Variants in EXTL1 observed in about 807,000 individuals in gnomAD.
EXTL1 encodes exostosin-like 1.
EXTL1 carries 43 observed loss-of-function variants against 64.6 expected under a neutral mutation model. The observed-to-expected ratio is 0.67, with a 90% confidence interval of 0.52 to 0.86. EXTL1 has a LOEUF of 0.86. Among genes scored for constraint, EXTL1 ranks in the 40% least tolerant of loss-of-function variants. The probability of loss-of-function intolerance (pLI) is 0.00; values close to 1 mark genes in which losing one functional copy is unlikely to be tolerated. For missense variants in EXTL1, 766 were observed against 879.0 expected (o/e 0.87, Z 1.62); for synonymous variants, 352 against 360.5 (o/e 0.98, Z 0.27).
Position 26,032,435 on chromosome 1 carries a change from A to G in EXTL1, c.1381A>G (p.Arg461Gly). 6.4e-7 allele frequency: 1 copy of G among 1,555,926 alleles called. No homozygotes were observed. The highest frequency in any genetic ancestry group is 1.9e-5 in the Admixed American group (1 of 51,590). Reference sequence around the variant, plus strand: ...GAGCAATGAGAGGCCACTCCCATCCAGGTGGCCGGAGACAGCTGTGCCCTT... The same window carrying G: ...GAGCAATGAGAGGCCACTCCCATCCGGGTGGCCGGAGACAGCTGTGCCCTT... ...LWSNERPLPS[R>G]WPETAVPLTV... The change falls in exon 7 of 11, where the codon AGG becomes GGG. Residue 461 changes from arginine (R) to glycine (G), a missense_variant. By Grantham distance (125) the Arg-to-Gly change is moderately radical (BLOSUM62 -2). Transcript: ENST00000374280.
Position 26,031,278 on chromosome 1 carries a change from A to C in EXTL1, c.1234+14A>C, listed in dbSNP as rs993046708. 9 of 1,611,826 alleles carry C rather than the reference A, an allele frequency of 5.6e-6. No individual in the cohort carries two copies. The African/African-American group carries it at 1.2e-4, about 22-fold the overall frequency. Reference sequence around the variant, plus strand: ...ACCTGCAACAGGGTATGCCCTGGGGATGGGACAACCTGAAGTCCCCTCAGC... The same window carrying C: ...ACCTGCAACAGGGTATGCCCTGGGGCTGGGACAACCTGAAGTCCCCTCAGC... On this transcript the variant is annotated intron_variant, in intron 5 of 10. Transcript: ENST00000374280.
intron 1 of EXTL1, among the ~76,000 whole-genome samples, chr1:26,026,819 CCT>C (rs1557551062): frequency 2.0e-5 from 3 of 152,160 alleles, no homozygotes; most frequent in Non-Finnish European, 2.9e-5. Context: ...ATGGCAGGTA[CCT>C]TACATGGTCA....
At chr1:26,032,726 T>C (rs2050301279) in intron 7 of EXTL1, among the ~76,000 whole-genome samples, 1 of 152,080 alleles carries the variant, frequency 6.6e-6, no homozygotes, top group Non-Finnish European at 1.5e-5. Context: ...CGCTGACATC[T>C]CAGAAGAGGA....
rs146798839 is a variant in EXTL1, at chr1:26,023,224, G to T, written c.578G>T (p.Gly193Val). 65 of 1,608,984 alleles carry T rather than the reference G, an allele frequency of 4.0e-5. No individual in the cohort carries two copies. The highest frequency in any genetic ancestry group is 5.0e-5 in the Non-Finnish European group (59 of 1,176,916). The stretch of plus-strand genomic sequence containing the variant: ...CCCACGGTGGACTCCTTCCGGCCCG[G>T]CTTTGATGTGGCCCTCCCTTTTCTC... Reference protein sequence around the residue: ...ASPTVDSFRPGFDVALPFLPE... With the variant: ...ASPTVDSFRPVFDVALPFLPE... Residue 193 changes from glycine (G) to valine (V), a missense_variant, in exon 1 of 11, where the codon GGC (glycine) becomes GTC (valine). By Grantham distance (109) the Gly-to-Val change is moderately radical (BLOSUM62 -3). Around this residue, in one of 3 missense-constraint regions of EXTL1, gnomAD observed 571 missense variants for 647.6 expected, o/e 0.88. Transcript: ENST00000374280.
In EXTL1 at chr1:26,031,533, C is replaced by T. The variant is rs564972733; in HGVS notation, c.1308C>T (p.Ile436=). ...GPPGQPPLKL[I]QAVAGSQHCA... Reference sequence around the variant, plus strand: ...CAGGCCAGCCCCCTCTGAAGCTCATCCAGGCGGTGGCAGGCTCCCAGCACT... The same window carrying T: ...CAGGCCAGCCCCCTCTGAAGCTCATTCAGGCGGTGGCAGGCTCCCAGCACT... Residue 436 remains isoleucine (I), a synonymous_variant, in exon 6 of 11, where the codon ATC becomes ATT. Coordinates refer to ENST00000374280, the MANE Select transcript of EXTL1 (RefSeq NM_004455.3). 6.2e-7 allele frequency: 1 copy of T among 1,600,438 alleles called. No homozygotes were observed. The highest frequency in any genetic ancestry group is 8.5e-7 in the Non-Finnish European group (1 of 1,173,638).
chr1:26,025,109 G>T lies in EXTL1; in HGVS notation c.779+1684G>T, dbSNP rs980508905. Among the ~76,000 whole-genome samples the T allele has an allele frequency of 6.6e-6, 1 of 152,202 alleles. No homozygotes were observed. The highest frequency in any genetic ancestry group is 1.5e-5 in the Non-Finnish European group (1 of 68,036). ...GTCTTTGGCCTCCGCCTCCCTGAAG[G>T]TGACAGGACTTGTCATCTCTGGAGT... On this transcript the variant is annotated intron_variant, in intron 1 of 10. Coordinates refer to ENST00000374280, the MANE Select transcript of EXTL1 (RefSeq NM_004455.3). This position sits in a 1 kb window ranked among gnomAD's most constrained non-coding sequence, Gnocchi z 5.3.
intron 4 of EXTL1, among the ~76,000 whole-genome samples, 157 bp from the exon 5 acceptor site, chr1:26,030,975 C>T (rs917385985): frequency 1.3e-5 from 2 of 152,186 alleles, no homozygotes; most frequent in Non-Finnish European, 2.9e-5. Context: ...CATCTCCCAC[C>T]TCTGGAGCAA....
intron 1 of EXTL1, among the ~76,000 whole-genome samples, chr1:26,027,693 A>AAAAAAAAAAAAAAAAG (rs2050233613): frequency 7.6e-6 from 1 of 131,458 alleles, no homozygotes; most frequent in Non-Finnish European, 1.6e-5. Context: ...CATCTCTAAA[A>AAAAAAAAAAAAAAAAG]AAAAAAAAAA....
Position 26,035,451 on chromosome 1 carries a change from G to A in EXTL1, c.*104G>A. 1 of 1,105,686 alleles carries A rather than the reference G, an allele frequency of 9.0e-7. No individual in the cohort carries two copies. The allele number at this position is 1,105,686 out of a possible 1,614,324, so 68.5% of individuals were successfully genotyped here. A position where few individuals can be genotyped will look rare whatever the true frequency, so the allele number is the denominator to read the frequency against. On this transcript the variant is annotated 3_prime_UTR_variant, in exon 11 of 11. Transcript: ENST00000374280. This position sits in a 1 kb window ranked among gnomAD's most constrained non-coding sequence, Gnocchi z 5.3. ...CTTGGGACACCGGAGAACCTATCATGTCAGCCAGCGGGCCCACACGTCGGA... is the reference window on the plus strand; with the variant it reads ...CTTGGGACACCGGAGAACCTATCATATCAGCCAGCGGGCCCACACGTCGGA...
At chr1:26,023,535 G>T in intron 1 of EXTL1, 110 bp downstream of exon 1, 2 of 1,176,426 alleles carry the variant, frequency 1.7e-6, no homozygotes, top group South Asian at 5.5e-5. Context: ...GGTAGTCCTG[G>T]TAGACTTAGG....
In EXTL1 at chr1:26,022,944, G is replaced by A. The variant is rs201819543; in HGVS notation, c.298G>A (p.Val100Met). 21 of 1,614,130 alleles carry A rather than the reference G, an allele frequency of 1.3e-5. No individual in the cohort carries two copies. The highest frequency in any genetic ancestry group is 4.4e-5 in the South Asian group (4 of 91,080). ...CAGGGGCGATGGCCTTAAGGTATTC[G>A]TGTACCCAGCGGTTGGAACCATCTC... The part of the protein sequence containing the change: ...KCRGDGLKVF[V>M]YPAVGTISET... Residue 100 changes from valine to methionine, a missense_variant, in exon 1 of 11, where the codon GTG becomes ATG. Physicochemically the swap from Val to Met is conservative, Grantham distance 21 (BLOSUM62 1). Around this residue, in one of 3 missense-constraint regions of EXTL1, gnomAD observed 571 missense variants for 647.6 expected, o/e 0.88. Coordinates refer to ENST00000374280, the MANE Select transcript of EXTL1 (RefSeq NM_004455.3).
rs777382573 is a variant in EXTL1 at position 26,022,909 on chromosome 1, C to T, written c.263C>T (p.Thr88Ile). The T allele has an allele frequency of 1.2e-6, 2 of 1,614,108 alleles. No homozygotes were observed. Among genetic ancestry groups the T allele is most frequent in the Non-Finnish European group, 1.7e-6 (2 of 1,180,016 alleles). The change falls in exon 1 of 11, where the codon ACC becomes ATC. Residue 88 changes from threonine to isoleucine, a missense_variant. Thr to Ile is a moderately conservative substitution (Grantham distance 89, BLOSUM62 -1). Around this residue, in one of 3 missense-constraint regions of EXTL1, gnomAD observed 571 missense variants for 647.6 expected, o/e 0.88. Transcript: ENST00000374280. ...GSCNWESCFD[T>I]SKCRGDGLKV... ...TGCAACTGGGAATCTTGCTTTGATA[C>T]CTCAAAGTGCAGGGGCGATGGCCTT... is the stretch of plus-strand genomic sequence containing the variant.
At chr1:26,032,342 A>G in intron 6 of EXTL1, 54 bp from the exon 7 acceptor site, 2 of 1,304,662 alleles carry the variant, frequency 1.5e-6, no homozygotes, top group South Asian at 1.3e-5. Flanking sequence ...TGCCCCTCGC[A>G]ACCCGCCTTC....
intron 6 of EXTL1, 163 bp from the exon 7 acceptor site, chr1:26,032,233 G>A (rs2050294954): frequency 1.5e-5 from 9 of 584,560 alleles, no homozygotes; most frequent in Non-Finnish European, 2.4e-5. Context: ...CAAGGACAGA[G>A]CAGCGGTGAA....
In EXTL1 at chr1:26,023,056, T is replaced by C; in HGVS notation, c.410T>C (p.Leu137Pro). 1.2e-6 allele frequency: 2 copies of C among 1,613,644 alleles called. No homozygotes were observed. The highest frequency in any genetic ancestry group is 1.7e-6 in the Non-Finnish European group (2 of 1,179,782). Residue 137 changes from leucine to proline, a missense_variant, in exon 1 of 11, where the codon CTC becomes CCC. By Grantham distance (98) the Leu-to-Pro change is moderately conservative. Transcript: ENST00000374280. ...GCTGGGGCCTGCCTCCTCCTCCTCC[T>C]CAGCCTGGACGCCCAGACTGGAGAG... is the stretch of plus-strand genomic sequence containing the variant. The part of the protein sequence containing the change: ...SPAGACLLLL[L>P]SLDAQTGECS...
Position 26,023,300 on chromosome 1 carries a change from C to G in EXTL1, c.654C>G (p.His218Gln). The G allele has an allele frequency of 6.4e-7, 1 of 1,564,394 alleles. No homozygotes were observed. Among genetic ancestry groups the G allele is most frequent in the Non-Finnish European group, 8.7e-7 (1 of 1,151,778 alleles). ...GGGCTCCTGGCCAGCTGCGGCAACA[C>G]AGCCCCCAGCCCGGGGTAGCCCTGC... ...RGGAPGQLRQ[H>Q]SPQPGVALLA... Residue 218 changes from histidine (H) to glutamine (Q), a missense_variant, in exon 1 of 11, where the codon CAC becomes CAG. Physicochemically the swap from His to Gln is conservative, Grantham distance 24 (BLOSUM62 0). Transcript: ENST00000374280.
In EXTL1 at chr1:26,031,515, G is replaced by GC. The variant is rs777700766; in HGVS notation, c.1295dup (p.Leu433SerfsTer23). ...TGATCTGGGTGGGGCCCCCAGGCCA[G>GC]CCCCCTCTGAAGCTCATCCAGGCGG... On this transcript the variant is annotated frameshift_variant, in exon 6 of 11. Coordinates refer to ENST00000374280, the MANE Select transcript of EXTL1 (RefSeq NM_004455.3). LOFTEE classifies it high-confidence loss of function. 1 of 1,602,066 alleles carries GC rather than the reference G, an allele frequency of 6.2e-7. No homozygotes were observed. Among genetic ancestry groups the GC allele is most frequent in the Middle Eastern group, 1.7e-4 (1 of 6,044 alleles).
intron 1 of EXTL1, among the ~76,000 whole-genome samples, chr1:26,024,364 G>C (rs2050192467): frequency 6.6e-6 from 1 of 152,118 alleles, no homozygotes; most frequent in South Asian, 2.1e-4. Context: ...GGGCCTACCT[G>C]AGTCGGGAAC....
rs746185482 is a variant in EXTL1 at position 26,031,466 on chromosome 1, G to A, written c.1241G>A (p.Arg414His). Reference sequence around the variant, plus strand: ...CTGTGTCTCATTCCCCCAGGCTCCCGCCCTGAGGGCAGATTCAGCGCCCTG... The same window carrying A: ...CTGTGTCTCATTCCCCCAGGCTCCCACCCTGAGGGCAGATTCAGCGCCCTG... The part of the protein sequence containing the change: ...FPFYYLQQGS[R>H]PEGRFSALIW... The change falls in exon 6 of 11, where the codon CGC (arginine) becomes CAC (histidine). Residue 414 changes from arginine (R) to histidine (H), a missense_variant. Coordinates refer to ENST00000374280, the MANE Select transcript of EXTL1 (RefSeq NM_004455.3). 14 of 1,568,284 alleles carry A rather than the reference G, an allele frequency of 8.9e-6. No individual in the cohort carries two copies. Among genetic ancestry groups the A allele is most frequent in the South Asian group, 2.3e-5 (2 of 85,720 alleles).
Sources: gnomAD v4.1 joint callset for allele counts (sites outside exome capture counted in the v4.1 genomes callset) on GRCh38, gnomAD v4.1.1 for gene constraint, gnomAD v4.1.1 regional missense constraint, Gnocchi (gnomAD v3.1) non-coding constraint, MANE v1.5 for transcripts, NCBI Gene and HGNC (gene_info 2026-07-23, HGNC 2026-07-21) for gene names.